The following MAP3K2 variants were observed in gnomAD, a reference collection of about 807,000 sequenced individuals.
MAP3K2 encodes the protein mitogen-activated protein kinase kinase kinase 2, also known as MAP/ERK kinase kinase 2.
Under a neutral mutation model 80.3 loss-of-function variants are expected in MAP3K2, and 24 were observed. The observed-to-expected ratio is 0.30, with a 90% CI of 0.22 to 0.42. The LOEUF (loss-of-function observed/expected upper bound fraction) is 0.42. Among genes scored for constraint, MAP3K2 ranks in the 10% least tolerant of loss-of-function variants. The pLI is 1.00. For synonymous variants in MAP3K2, 244 were observed against 253.7 expected (o/e 0.96, Z 0.36); for missense variants, 608 against 750.1 (o/e 0.81, Z 2.21).
At chr2:127,341,601 C>T (rs1387318936) in intron 2 of MAP3K2, among the ~76,000 whole-genome samples, 18 of 138,686 alleles carry the variant, frequency 1.3e-4, no homozygotes, top group African/African-American at 4.1e-4. Flanking sequence ...GGCGTGATCT[C>T]GGCTCACTAC....
intron 1 of MAP3K2, among the ~76,000 whole-genome samples, chr2:127,343,900 C>T (rs146452099): frequency 2.3e-3 from 353 of 151,854 alleles, no homozygotes; most frequent in African/African-American, 7.7e-3. Flanking sequence ...ATGCCTGTAG[C>T]TCCCAGCTAC....
At chr2:127,318,640 T>C (rs1685954342) in intron 12 of MAP3K2, among the ~76,000 whole-genome samples, 1 of 152,220 alleles carries the variant, frequency 6.6e-6, no homozygotes, top group South Asian at 2.1e-4. Context: ...TTTCTATTCT[T>C]CACTGCAGTA....
chr2:127,339,778 CCA>C lies in MAP3K2; in HGVS notation c.5-730_5-729del, dbSNP rs1686441906. Among the ~76,000 whole-genome samples the C allele has an allele frequency of 1.3e-5, 2 of 152,106 alleles. No homozygotes were observed. Among genetic ancestry groups the C allele is most frequent in the South Asian group, 4.1e-4 (2 of 4,824 alleles). On this transcript the variant is annotated intron_variant, in intron 2 of 16. Transcript: ENST00000682094. This position sits in a 1 kb window ranked among gnomAD's most constrained non-coding sequence, Gnocchi z 4.2. Reference sequence around the variant, plus strand: ...TAAAACCATGTGCCTGCCAGTAATGCCAATTATAAGCTCTCCAGAAGACATCA... The same window carrying C: ...TAAAACCATGTGCCTGCCAGTAATGCATTATAAGCTCTCCAGAAGACATCA...
intron 1 of MAP3K2, among the ~76,000 whole-genome samples, chr2:127,365,052 G>A (rs1037839818): frequency 1.4e-5 from 2 of 139,196 alleles, no homozygotes; most frequent in East Asian, 4.3e-4. Context: ...AGGAGGCAGA[G>A]GTTGCAATGA....
chr2:127,314,222 CTCTTT>C (rs769275519), intron 15 of MAP3K2, among the ~76,000 whole-genome samples: 23 of 152,244 alleles, frequency 1.5e-4, no homozygotes, highest in Non-Finnish European at 2.6e-4. Flanking sequence ...CAGTTTGGGG[CTCTTT>C]TCTTCGCTTC....
intron 1 of MAP3K2, chr2:127,378,221 G>C: frequency 1.2e-6 from 1 of 840,012 alleles, no homozygotes; most frequent in Non-Finnish European, 1.4e-6. Context: ...TTAAAAACTT[G>C]AAAGAGCTGA....
In MAP3K2 at chr2:127,347,455, G is replaced by C. The variant is rs1443978663; in HGVS notation, c.-65-4261C>G. On this transcript the variant is annotated intron_variant, in intron 1 of 16. Coordinates refer to ENST00000682094, the MANE Select transcript of MAP3K2 (RefSeq NM_001371910.2). Reference sequence around the variant, plus strand: ...CTATACATTAGCAATAAACATTCTGGAAATAAAATTAAGAAATCAATTTCA... The same window carrying C: ...CTATACATTAGCAATAAACATTCTGCAAATAAAATTAAGAAATCAATTTCA... Among the ~76,000 whole-genome samples, 3 of 151,882 alleles carry C rather than the reference G, an allele frequency of 2.0e-5. No homozygotes were observed. In the East Asian group the frequency reaches 5.8e-4, roughly 29 times the overall value.
chr2:127,345,272 A>G (rs750833086), intron 1 of MAP3K2, among the ~76,000 whole-genome samples: 1 of 151,742 alleles, frequency 6.6e-6, no homozygotes, highest in African/African-American at 2.4e-5. Flanking sequence ...AGACACAAAA[A>G]TTGTTGTGAC....
At chr2:127,342,677 G>A (rs147231152) in intron 2 of MAP3K2, among the ~76,000 whole-genome samples, 693 of 31,904 alleles carry the variant, frequency 0.022, 8 homozygotes, top group African/African-American at 0.071. Context: ...CAAAAAGGAG[G>A]TAAACAGGAA....
At chr2:127,357,155 A>G (rs1686810737) in intron 1 of MAP3K2, among the ~76,000 whole-genome samples, 1 of 152,238 alleles carries the variant, frequency 6.6e-6, no homozygotes, top group South Asian at 2.1e-4. Context: ...AAGAGAAATC[A>G]AAGACCTATA....
At chr2:127,319,881 G>A (rs928547790) in intron 12 of MAP3K2, among the ~76,000 whole-genome samples, 1 of 149,918 alleles carries the variant, frequency 6.7e-6, no homozygotes, top group African/African-American at 2.4e-5. Context: ...CAGGACCATT[G>A]AGAAAATCCC....
At position 127,338,978 on chromosome 2, in the gene MAP3K2, G is replaced by T. The variant is rs1026983919; in HGVS notation, c.77C>A (p.Ser26Tyr). 7.4e-6 allele frequency: 12 copies of T among 1,612,786 alleles called. No individual in the cohort carries two copies. Among genetic ancestry groups the T allele is most frequent in the Non-Finnish European group, 1.0e-5 (12 of 1,179,430 alleles). Residue 26 changes from serine to tyrosine, a missense_variant, in exon 3 of 17, where the codon TCC becomes TAC. Ser to Tyr is a moderately radical substitution (Grantham distance 144, BLOSUM62 -2). Around this residue, in one of 4 missense-constraint regions of MAP3K2, gnomAD observed 467 missense variants for 521.9 expected, o/e 0.89. Coordinates refer to ENST00000682094, the MANE Select transcript of MAP3K2 (RefSeq NM_001371910.2). ...TTTTGCTTTTCTGGTTTCCTGCAAG[G>T]ATAATGCTGGTCGACTGGCCTTATG... ...VLHKASRPAL[S>Y]LQETRKAKSS...
intron 7 of MAP3K2, among the ~76,000 whole-genome samples, chr2:127,329,684 T>C (rs1183507410): frequency 6.6e-6 from 1 of 152,192 alleles, no homozygotes; most frequent in Non-Finnish European, 1.5e-5. Flanking sequence ...TATTTGAATT[T>C]GTTAACATTA....
intron 2 of MAP3K2, among the ~76,000 whole-genome samples, chr2:127,342,227 C>A (rs182318941): frequency 1.3e-5 from 2 of 152,238 alleles, no homozygotes; most frequent in East Asian, 3.9e-4. Flanking sequence ...ATTTGGGCTA[C>A]AAGGGGGCAC....
rs1041634526 is a variant in MAP3K2 at position 127,386,663 on chromosome 2, T to C, written c.-66+789A>G. Among the ~76,000 whole-genome samples the C allele has an allele frequency of 2.5e-4, 37 of 146,684 alleles. 1 individual carries two copies. The highest frequency in any genetic ancestry group is 3.1e-5 in the Non-Finnish European group (2 of 65,042). ...TAAAAAGTAAAGGTATCTGAAGCCATCTTTTAAATTTTTTTTAAAGCCAAG... is the reference window on the plus strand; with the variant it reads ...TAAAAAGTAAAGGTATCTGAAGCCACCTTTTAAATTTTTTTTAAAGCCAAG... On this transcript the variant is annotated intron_variant, in intron 1 of 16. Coordinates refer to ENST00000682094, the MANE Select transcript of MAP3K2 (RefSeq NM_001371910.2).
intron 1 of MAP3K2, among the ~76,000 whole-genome samples, chr2:127,367,255 C>T (rs986114388): frequency 6.6e-6 from 1 of 152,096 alleles, no homozygotes; most frequent in African/African-American, 2.4e-5. Context: ...CAACCCTCTA[C>T]TTATCTTGTT....
At chr2:127,331,419 A>C (rs1686253263) in intron 5 of MAP3K2, among the ~76,000 whole-genome samples, 1 of 152,210 alleles carries the variant, frequency 6.6e-6, no homozygotes, top group Non-Finnish European at 1.5e-5. Context: ...GGCTGAATTA[A>C]TTTGGGGTCT....
intron 15 of MAP3K2, among the ~76,000 whole-genome samples, chr2:127,312,921 T>TC (rs1685835709): frequency 6.7e-6 from 1 of 149,888 alleles, no homozygotes; most frequent in African/African-American, 2.5e-5. Context: ...AGCCGAGATC[T>TC]CCCCATTGCA....
intron 15 of MAP3K2, among the ~76,000 whole-genome samples, chr2:127,312,660 CAAAAT>C (rs1573977613): frequency 6.6e-6 from 1 of 151,800 alleles, no homozygotes; most frequent in African/African-American, 2.4e-5. Context: ...GACCCTGACT[CAAAAT>C]AAAAAAACAA....
Sources: gnomAD v4.1 joint callset for allele counts (sites outside exome capture counted in the v4.1 genomes callset) on GRCh38, gnomAD v4.1.1 for gene constraint, gnomAD v4.1.1 regional missense constraint, Gnocchi (gnomAD v3.1) non-coding constraint, MANE v1.5 for transcripts, NCBI Gene and HGNC (gene_info 2026-07-23, HGNC 2026-07-21) for gene names.